Variants in PLCXD3 observed in about 807,000 individuals in gnomAD.
The protein encoded by PLCXD3 is PI-PLC X domain-containing protein 3.
PLCXD3 carries 19 observed loss-of-function variants against 25.5 expected under a neutral mutation model. The observed-to-expected ratio is 0.75, with a 90% CI of 0.52 to 1.09. The LOEUF is 1.09. Ranked by LOEUF, PLCXD3 falls within the 50% of genes least tolerant of loss-of-function variation. PLCXD3 has a pLI of 0.00. For synonymous variants in PLCXD3, 174 were observed against 137.6 expected, an observed-to-expected ratio of 1.26 and a Z score of -1.85; for missense variants, 411 against 388.1, an observed-to-expected ratio of 1.06 and a Z score of -0.50.
intron 2 of PLCXD3, among the ~76,000 whole-genome samples, chr5:41,330,895 A>G (rs1219406154): frequency 3.3e-5 from 5 of 152,096 alleles, no homozygotes; most frequent in African/African-American, 9.7e-5. Flanking sequence ...AAATTCAACA[A>G]CCCTTCATGC....
At chr5:41,440,298 T>G (rs1747355743) in intron 1 of PLCXD3, among the ~76,000 whole-genome samples, 1 of 139,632 alleles carries the variant, frequency 7.2e-6, no homozygotes, top group African/African-American at 2.7e-5. Flanking sequence ...AGTGGCACGA[T>G]CTTGGCTCAC....
At chr5:41,403,401 G>GTTTGTTTTTTTGTTTTTGTTT (rs1554047951) in intron 1 of PLCXD3, among the ~76,000 whole-genome samples, 1 of 18,412 alleles carries the variant, frequency 5.4e-5, no homozygotes. Flanking sequence ...CTTATTTGTT[G>GTTTGTTTTTTTGTTTTTGTTT]TTTTTTTTTT....
At chr5:41,382,571 A>T (rs766053627) in intron 1 of PLCXD3, 37 bp from the exon 2 acceptor site, 5 of 1,493,398 alleles carry the variant, frequency 3.3e-6, no homozygotes, top group Admixed American at 4.1e-5. Context: ...GTTAATTTCC[A>T]CGTCTTTGCC....
rs141531511 is a variant in PLCXD3 at position 41,324,862 on chromosome 5, T to C, written c.813-11092A>G. On this transcript the variant is annotated intron_variant, in intron 2 of 2. Transcript: ENST00000377801. ...TCACCTTGAGAGGTGAGAGGCGGAG[T>C]AGATAAGTGTGATGCTGAGGCCAGT... is the stretch of plus-strand genomic sequence containing the variant. Among the ~76,000 whole-genome samples the C allele has an allele frequency of 2.1e-3, 324 of 152,010 alleles. 4 individuals carry two copies. The highest frequency in any genetic ancestry group is 7.5e-3 in the African/African-American group (309 of 41,474).
intron 1 of PLCXD3, among the ~76,000 whole-genome samples, chr5:41,469,584 A>G (rs1409880550): frequency 6.6e-6 from 1 of 151,770 alleles, no homozygotes; most frequent in Non-Finnish European, 1.5e-5. Flanking sequence ...AGTCTTAGTA[A>G]GTTGTATTGT....
intron 1 of PLCXD3, among the ~76,000 whole-genome samples, chr5:41,418,444 C>T (rs1020447425): frequency 6.6e-6 from 1 of 152,072 alleles, no homozygotes; most frequent in Admixed American, 6.5e-5. Flanking sequence ...TATGTGAAAG[C>T]AGAGGGATAA....
intron 2 of PLCXD3, among the ~76,000 whole-genome samples, chr5:41,331,571 T>C (rs1440102605): frequency 6.6e-6 from 1 of 152,172 alleles, no homozygotes; most frequent in East Asian, 1.9e-4. Context: ...ATGACTTTCT[T>C]CACAGAATTG....
At chr5:41,364,744 A>G (rs1219644349) in intron 2 of PLCXD3, among the ~76,000 whole-genome samples, 1 of 152,154 alleles carries the variant, frequency 6.6e-6, no homozygotes, top group Non-Finnish European at 1.5e-5. Context: ...CACTTGTTAG[A>G]AGGTTGCTCC....
intron 1 of PLCXD3, among the ~76,000 whole-genome samples, chr5:41,490,462 G>C (rs964152947): frequency 2.0e-5 from 3 of 152,106 alleles, no homozygotes; most frequent in African/African-American, 7.2e-5. Context: ...AATGAGTTAG[G>C]GAGGATTCCC....
Position 41,481,792 on chromosome 5 carries a change from A to T in PLCXD3, c.103+28632T>A, listed in dbSNP as rs1001653383. 2.0e-5 allele frequency among the ~76,000 whole-genome samples: 3 copies of T among 152,244 alleles called. No homozygotes were observed. In the East Asian group the frequency reaches 5.8e-4, roughly 29 times the overall value. On this transcript the variant is annotated intron_variant, in intron 1 of 2. Coordinates refer to ENST00000377801, the MANE Select transcript of PLCXD3 (RefSeq NM_001005473.3). ...CTTTGCCCTCTGGGATGAGCCCCTT[A>T]GCCACAGCCTCCTTCCCTTCTCCCA...
chr5:41,403,404 T>TGTTTTGTTTTTGTTTTTG (rs1561262428), intron 1 of PLCXD3, among the ~76,000 whole-genome samples: 1 of 34,602 alleles, frequency 2.9e-5, no homozygotes, highest in Non-Finnish European at 7.4e-5. Flanking sequence ...ATTTGTTGTT[T>TGTTTTGTTTTTGTTTTTG]TTTTTTTTTT....
At position 41,510,408 on chromosome 5, in the gene PLCXD3, G is replaced by A. The variant is rs1561294782; in HGVS notation, c.103+16C>T. The A allele has an allele frequency of 6.3e-7, 1 of 1,595,034 alleles. No homozygotes were observed. The highest frequency in any genetic ancestry group is 8.5e-7 in the Non-Finnish European group (1 of 1,170,428). ...GCGGGCGCCGAGCGCCTAGCCCGCA[G>A]CCCCTGCGCGCCTACCTGGAATGGC... is the stretch of plus-strand genomic sequence containing the variant. On this transcript the variant is annotated intron_variant, in intron 1 of 2. Coordinates refer to ENST00000377801, the MANE Select transcript of PLCXD3 (RefSeq NM_001005473.3).
intron 2 of PLCXD3, among the ~76,000 whole-genome samples, chr5:41,375,095 C>T (rs1395985119): frequency 6.6e-6 from 1 of 151,734 alleles, no homozygotes; most frequent in Non-Finnish European, 1.5e-5. Context: ...TGGAGTGTGT[C>T]CCCATTGGAG....
intron 1 of PLCXD3, among the ~76,000 whole-genome samples, chr5:41,450,939 A>T (rs1747615603): frequency 6.6e-6 from 1 of 152,082 alleles, no homozygotes; most frequent in Non-Finnish European, 1.5e-5. Context: ...TAGGAGGCTG[A>T]TTATCAAAGT....
At chr5:41,404,274 C>G (rs1382972400) in intron 1 of PLCXD3, among the ~76,000 whole-genome samples, 2 of 152,088 alleles carry the variant, frequency 1.3e-5, no homozygotes, top group Non-Finnish European at 2.9e-5. Flanking sequence ...CTTTGCAGGA[C>G]TCTTATAAGG....
At chr5:41,413,425 G>A (rs1746612357) in intron 1 of PLCXD3, among the ~76,000 whole-genome samples, 1 of 152,164 alleles carries the variant, frequency 6.6e-6, no homozygotes, top group Non-Finnish European at 1.5e-5. Context: ...CAGGAAATTT[G>A]CTAAACACTA....
At chr5:41,485,934 C>T (rs577951960) in intron 1 of PLCXD3, among the ~76,000 whole-genome samples, 2 of 152,120 alleles carry the variant, frequency 1.3e-5, no homozygotes, top group East Asian at 1.9e-4. Flanking sequence ...AGAATAGGTC[C>T]AATTAATCTT....
chr5:41,509,606 C>T (rs1738986210), intron 1 of PLCXD3, among the ~76,000 whole-genome samples: 1 of 152,246 alleles, frequency 6.6e-6, no homozygotes, highest in Non-Finnish European at 1.5e-5. Flanking sequence ...TTCTCAGTCA[C>T]CTTTTCCGTA....
chr5:41,372,106 T>A lies in PLCXD3; in HGVS notation c.812+9720A>T, dbSNP rs73750144. On this transcript the variant is annotated intron_variant, in intron 2 of 2. Coordinates refer to ENST00000377801, the MANE Select transcript of PLCXD3 (RefSeq NM_001005473.3). Reference sequence around the variant, plus strand: ...TCGACCTACCTCCTTTCAACTTTTTTTTGTGAGTGCTAGCTATACATACTA... The same window carrying A: ...TCGACCTACCTCCTTTCAACTTTTTATTGTGAGTGCTAGCTATACATACTA... 9.0e-3 allele frequency among the ~76,000 whole-genome samples: 1,377 copies of A among 152,198 alleles called. 14 individuals are homozygous for A. Among genetic ancestry groups the A allele is most frequent in the African/African-American group, 0.031 (1,304 of 41,530 alleles).
Sources: gnomAD v4.1 joint callset for allele counts (sites outside exome capture counted in the v4.1 genomes callset) on GRCh38, gnomAD v4.1.1 for gene constraint, MANE v1.5 for transcripts, NCBI Gene and HGNC (gene_info 2026-07-23, HGNC 2026-07-21) for gene names.